SEL1L2: variants seen among roughly 807,000 people sequenced by gnomAD.
The protein encoded by SEL1L2 is protein sel-1 homolog 2.
In SEL1L2, 89 loss-of-function variants were observed where a neutral mutation model predicts 98.8. The observed-to-expected ratio is 0.90, with a 90% CI of 0.76 to 1.07. The LOEUF (loss-of-function observed/expected upper bound fraction) is 1.07, where lower values mean the gene tolerates loss of function less well. SEL1L2 is among the 50% of genes least tolerant of loss of function. The probability of loss-of-function intolerance (pLI) is 0.00; values close to 1 mark genes in which losing one functional copy is unlikely to be tolerated. For synonymous variants in SEL1L2, 262 were observed against 278.5 expected (o/e 0.94, Z 0.59); for missense variants, 788 against 812.0 (o/e 0.97, Z 0.36).
chr20:13,907,526 G>A (rs928079550), intron 5 of SEL1L2, among the ~76,000 whole-genome samples: 22 of 152,136 alleles, frequency 1.4e-4, no homozygotes, highest in South Asian at 1.0e-3. Flanking sequence ...ACATGATTGC[G>A]CCCCTGCACT....
intron 5 of SEL1L2, among the ~76,000 whole-genome samples, chr20:13,897,469 T>A (rs2047471901): frequency 6.6e-6 from 1 of 152,128 alleles, no homozygotes; most frequent in African/African-American, 2.4e-5. Context: ...CAGCAATCTA[T>A]GGAAGTGGAG....
chr20:13,968,081 T>C (rs1190233847), intron 1 of SEL1L2, among the ~76,000 whole-genome samples: 1 of 152,232 alleles, frequency 6.6e-6, no homozygotes, highest in East Asian at 1.9e-4. Context: ...CTTGAAAAGA[T>C]ATTTCGTAGT....
At chr20:13,948,148 G>C (rs983923502) in intron 2 of SEL1L2, among the ~76,000 whole-genome samples, 1 of 152,164 alleles carries the variant, frequency 6.6e-6, no homozygotes, top group Non-Finnish European at 1.5e-5. Context: ...TGTGTTCATA[G>C]ATTGGAAGTC....
At chr20:13,877,458 G>A in intron 11 of SEL1L2, 62 bp downstream of exon 11, 1 of 1,321,292 alleles carries the variant, frequency 7.6e-7, no homozygotes, top group Non-Finnish European at 1.1e-6. Flanking sequence ...ACGCTGCTAT[G>A]CCCAGTTTAA....
intron 2 of SEL1L2, among the ~76,000 whole-genome samples, chr20:13,947,270 G>A (rs905667139): frequency 7.2e-5 from 11 of 151,998 alleles, no homozygotes; most frequent in East Asian, 1.9e-4. Flanking sequence ...GCTAGACTCC[G>A]GCAGACATCA....
At chr20:13,946,333 T>C (rs543237582) in intron 2 of SEL1L2, among the ~76,000 whole-genome samples, 53 of 152,170 alleles carry the variant, frequency 3.5e-4, no homozygotes, top group Non-Finnish European at 7.1e-4. Flanking sequence ...GTTGTATTTC[T>C]ATATACTACA....
intron 1 of SEL1L2, among the ~76,000 whole-genome samples, chr20:13,964,748 CT>C (rs924625612): frequency 1.3e-4 from 20 of 151,280 alleles, no homozygotes; most frequent in African/African-American, 2.7e-4. Context: ...TCTTAATAGT[CT>C]TTTTTTTTCC....
chr20:13,916,404 C>G (rs2048402978), intron 4 of SEL1L2, among the ~76,000 whole-genome samples: 2 of 152,156 alleles, frequency 1.3e-5, no homozygotes, highest in African/African-American at 4.8e-5. Flanking sequence ...TTTAAGGAGA[C>G]AGCAGGCCAT....
chr20:13,970,695 G>C (rs2051244913), intron 1 of SEL1L2, among the ~76,000 whole-genome samples: 2 of 152,026 alleles, frequency 1.3e-5, no homozygotes, highest in Admixed American at 1.3e-4. Flanking sequence ...AGCCAAGCGT[G>C]GTGGCAGGTG....
chr20:13,905,528 A>C (rs1180273857), intron 5 of SEL1L2, among the ~76,000 whole-genome samples: 1 of 151,870 alleles, frequency 6.6e-6, no homozygotes, highest in Non-Finnish European at 1.5e-5. Context: ...GTTAGCCAGA[A>C]TGGTCTCGAT....
At chr20:13,908,103 CTTTTTTTTTTTTTT>C (rs71188195) in intron 5 of SEL1L2, among the ~76,000 whole-genome samples, 16 of 26,728 alleles carry the variant, frequency 6.0e-4, no homozygotes, top group African/African-American at 1.3e-3. Flanking sequence ...TTTCTTGGTT[CTTTTTTTTTTTTTT>C]TTTTTTTTTT....
At chr20:13,984,394 C>G (rs1284591269) in intron 1 of SEL1L2, among the ~76,000 whole-genome samples, 3 of 152,162 alleles carry the variant, frequency 2.0e-5, no homozygotes, top group Admixed American at 6.5e-5. Flanking sequence ...ATTTCATGGT[C>G]ACTTGCTGAC....
intron 3 of SEL1L2, among the ~76,000 whole-genome samples, chr20:13,926,410 C>T (rs975912584): frequency 6.6e-6 from 1 of 152,184 alleles, no homozygotes; most frequent in African/African-American, 2.4e-5. Flanking sequence ...GGAGAAACTG[C>T]GATGCGGGCT....
intron 2 of SEL1L2, among the ~76,000 whole-genome samples, chr20:13,952,104 C>T (rs975632349): frequency 3.3e-5 from 5 of 152,130 alleles, no homozygotes; most frequent in South Asian, 2.1e-4. Flanking sequence ...GTTATTTGGG[C>T]ATGTCACAAG....
At chr20:13,912,454 G>A (rs763914057) in intron 5 of SEL1L2, among the ~76,000 whole-genome samples, 6 of 151,974 alleles carry the variant, frequency 3.9e-5, no homozygotes, top group East Asian at 1.9e-4. Flanking sequence ...GTGCCATGAC[G>A]CCCAGCTAAT....
intron 2 of SEL1L2, among the ~76,000 whole-genome samples, chr20:13,944,568 T>G: frequency 6.6e-6 from 1 of 152,094 alleles, no homozygotes; most frequent in East Asian, 1.9e-4. Context: ...GGTTTGGAGT[T>G]CAGAAAAATC....
chr20:13,950,565 C>G (rs1252465907), intron 2 of SEL1L2, among the ~76,000 whole-genome samples: 1 of 152,114 alleles, frequency 6.6e-6, no homozygotes, highest in Non-Finnish European at 1.5e-5. Flanking sequence ...CCATCAGAGA[C>G]TTGGATACCT....
At chr20:13,889,786 G>A (rs757736990) in intron 5 of SEL1L2, among the ~76,000 whole-genome samples, 15 of 152,084 alleles carry the variant, frequency 9.9e-5, no homozygotes, top group East Asian at 3.9e-4. Flanking sequence ...GTGAGACTCC[G>A]TCTCAAAAAA....
chr20:13,886,794 A>T lies in SEL1L2; in HGVS notation c.746-352T>A, dbSNP rs1014348352. On this transcript the variant is annotated intron_variant, in intron 8 of 19. Transcript: ENST00000284951. ...TCCCAGATACCTGGGAAGCTGAGGC[A>T]TGAGAATCACTTGAACCCAGGAGGC... is the stretch of plus-strand genomic sequence containing the variant. Among the ~76,000 whole-genome samples the T allele has an allele frequency of 2.6e-5, 4 of 152,144 alleles. No individual in the cohort carries two copies. The South Asian group carries it at 8.3e-4, about 32-fold the overall frequency.
Sources: gnomAD v4.1 joint callset for allele counts (sites outside exome capture counted in the v4.1 genomes callset) on GRCh38, gnomAD v4.1.1 for gene constraint, MANE v1.5 for transcripts, NCBI Gene and HGNC (gene_info 2026-07-23, HGNC 2026-07-21) for gene names.